The following GRAMD1B variants were observed in gnomAD, a reference collection of about 807,000 sequenced individuals.
GRAMD1B encodes protein Aster-B.
Under a neutral mutation model 99.7 loss-of-function variants are expected in GRAMD1B, and 37 were observed. The observed-to-expected ratio is 0.37, with a 90% confidence interval of 0.29 to 0.49. GRAMD1B has a LOEUF of 0.49. GRAMD1B is among the 20% of genes least tolerant of loss of function. The pLI is 0.98. For missense variants in GRAMD1B, 888 were observed against 1,009.2 expected, an observed-to-expected ratio of 0.88 and a Z score of 1.63; for synonymous variants, 427 against 387.6, an observed-to-expected ratio of 1.10 and a Z score of -1.19.
At chr11:123,595,785 G>A (rs1951201112) in intron 6 of GRAMD1B, among the ~76,000 whole-genome samples, 157 bp from the exon 7 acceptor site, 1 of 152,120 alleles carries the variant, frequency 6.6e-6, no homozygotes. Context: ...GTGAAATAAA[G>A]GGGTAAACCA....
Position 123,623,777 on chromosome 11 carries a change from T to C in GRAMD1B, c.*1182T>C, listed in dbSNP as rs984050897. On this transcript the variant is annotated 3_prime_UTR_variant, in exon 20 of 20. Transcript: ENST00000635736. ...GGGAAGGATTTGGCAAAGGTGCATGTGTTTGGGCAGGAAAAGGCCAAGTGA... is the reference window on the plus strand; with the variant it reads ...GGGAAGGATTTGGCAAAGGTGCATGCGTTTGGGCAGGAAAAGGCCAAGTGA... The C allele has an allele frequency of 1.3e-5, 2 of 152,234 alleles. No homozygotes were observed. Among genetic ancestry groups the C allele is most frequent in the African/African-American group, 4.8e-5 (2 of 41,434 alleles). 9.4% of individuals were successfully genotyped at this position (152,234 alleles called of 1,614,324 possible).
chr11:123,543,743 A>C (rs1784356), intron 2 of GRAMD1B, among the ~76,000 whole-genome samples: 3 of 151,984 alleles, frequency 2.0e-5, no homozygotes, highest in Admixed American at 1.3e-4. Flanking sequence ...TTCGCAGAAG[A>C]ATTCGCCATT....
chr11:123,513,578 T>TTCCTTTCCTTCCTTCC (rs1555050112), intron 2 of GRAMD1B, among the ~76,000 whole-genome samples: 2 of 41,672 alleles, frequency 4.8e-5, no homozygotes, highest in African/African-American at 9.3e-5. Flanking sequence ...CCTTCCTTCC[T>TTCCTTTCCTTCCTTCC]TTCCTTCCTT....
chr11:123,548,290 AAATATATATAT>A (rs1446597077), intron 2 of GRAMD1B, among the ~76,000 whole-genome samples: 109 of 58,152 alleles, frequency 1.9e-3, no homozygotes, highest in African/African-American at 8.7e-3. Context: ...GGCTGTGCCA[AAATATATATAT>A]ATATATATAT....
chr11:123,413,835 G>T (rs193095046), intron 1 of GRAMD1B, among the ~76,000 whole-genome samples: 1 of 152,176 alleles, frequency 6.6e-6, no homozygotes, highest in East Asian at 1.9e-4. Context: ...TAGCCCTTGC[G>T]CAAGAATGAC....
At chr11:123,400,037 A>G (rs375660721) in intron 1 of GRAMD1B, among the ~76,000 whole-genome samples, 5 of 152,138 alleles carry the variant, frequency 3.3e-5, no homozygotes, top group African/African-American at 1.2e-4. Context: ...TCTTTGGTTC[A>G]TTTTGTAATT....
intron 1 of GRAMD1B, among the ~76,000 whole-genome samples, chr11:123,377,988 T>C (rs908561600): frequency 6.6e-5 from 10 of 152,210 alleles, no homozygotes; most frequent in Non-Finnish European, 1.5e-4. Context: ...CACTCTGTCC[T>C]TTTTTCCCTG....
rs528414597 is a variant in GRAMD1B, at chr11:123,591,617, C to T, written c.685-2465C>T. ...TGTTATGCCACTTGGCTCTCCTACC[C>T]GAAGGCCCCAGATTTGACAATCTTG... On this transcript the variant is annotated intron_variant, in intron 4 of 19. Coordinates refer to ENST00000635736, the MANE Select transcript of GRAMD1B (RefSeq NM_001387025.1). The surrounding 1 kb of genome is among the most constrained non-coding windows in gnomAD (Gnocchi z 4.7). The T allele has an allele frequency of 2.5e-5, 10 of 397,700 alleles. No homozygotes were observed. The highest frequency in any genetic ancestry group is 7.1e-5 in the East Asian group (2 of 28,046). The allele number at this position is 397,700 out of a possible 1,614,324, so 24.6% of individuals were successfully genotyped here. A position where few individuals can be genotyped will look rare whatever the true frequency, so the allele number is the denominator to read the frequency against.
At chr11:123,560,400 A>T in intron 2 of GRAMD1B, 1 of 1,176,580 alleles carries the variant, frequency 8.5e-7, no homozygotes. Context: ...GAGGGAAATA[A>T]AGGGGAGTCA....
At chr11:123,543,515 C>T (rs1424474382) in intron 2 of GRAMD1B, among the ~76,000 whole-genome samples, 1 of 152,216 alleles carries the variant, frequency 6.6e-6, no homozygotes, top group East Asian at 1.9e-4. Context: ...GCAGCTCCCA[C>T]TGTCACATAA....
intron 1 of GRAMD1B, among the ~76,000 whole-genome samples, chr11:123,434,283 G>A (rs1053508457): frequency 6.8e-6 from 1 of 146,900 alleles, no homozygotes; most frequent in African/African-American, 2.5e-5. Flanking sequence ...AAGAACATAT[G>A]TATCTGAAAA....
chr11:123,576,238 C>T (rs866702185), intron 2 of GRAMD1B, among the ~76,000 whole-genome samples: 1 of 152,220 alleles, frequency 6.6e-6, no homozygotes, highest in Non-Finnish European at 1.5e-5. Context: ...CCCCACTCCC[C>T]GAGGGAAGGC....
chr11:123,416,513 C>A (rs542777363), intron 1 of GRAMD1B, among the ~76,000 whole-genome samples: 8 of 152,274 alleles, frequency 5.3e-5, no homozygotes, highest in Admixed American at 1.3e-4. Flanking sequence ...AATAAATAAA[C>A]CTCTATTTTA....
chr11:123,443,732 G>A (rs540606855), intron 1 of GRAMD1B, among the ~76,000 whole-genome samples: 19 of 152,126 alleles, frequency 1.2e-4, no homozygotes, highest in East Asian at 5.8e-4. Context: ...ACAGGTGTGC[G>A]CCACCACACC....
chr11:123,556,136 A>G (rs1481755773), intron 2 of GRAMD1B, among the ~76,000 whole-genome samples: 3 of 152,196 alleles, frequency 2.0e-5, no homozygotes, highest in Admixed American at 6.5e-5. Flanking sequence ...TCTTCTTTGT[A>G]TCCCACACAC....
At chr11:123,559,773 A>G in intron 2 of GRAMD1B, 1 of 758,870 alleles carries the variant, frequency 1.3e-6, no homozygotes. Flanking sequence ...GAAGTCTGGG[A>G]GCAGCTACAC....
rs1280330254 is a variant in GRAMD1B, at chr11:123,624,137, C to A, written c.*1542C>A. 1 of 152,142 alleles carries A rather than the reference C, an allele frequency of 6.6e-6. No individual in the cohort carries two copies. The highest frequency in any genetic ancestry group is 1.9e-4 in the East Asian group (1 of 5,190). The allele number at this position is 152,142 out of a possible 1,614,324, so 9.4% of individuals were successfully genotyped here. On this transcript the variant is annotated 3_prime_UTR_variant, in exon 20 of 20. Transcript: ENST00000635736. ...TGGAGATTCATGAAAGAGTCATAGC[C>A]AGTTTGGCATGCAGAGGTCTTCAGT...
At chr11:123,569,198 A>T (rs143980136) in intron 2 of GRAMD1B, among the ~76,000 whole-genome samples, 1 of 152,292 alleles carries the variant, frequency 6.6e-6, no homozygotes, top group Admixed American at 6.5e-5. Flanking sequence ...GAACCAGTCA[A>T]ATCTTCTGGG....
chr11:123,383,906 T>C (rs1946971382), intron 1 of GRAMD1B, among the ~76,000 whole-genome samples: 1 of 152,100 alleles, frequency 6.6e-6, no homozygotes, highest in Non-Finnish European at 1.5e-5. Flanking sequence ...AGTCTTGCTC[T>C]GTTGCCCAGG....
Sources: allele counts gnomAD v4.1 joint callset (sites outside exome capture counted in the v4.1 genomes callset), GRCh38; gene constraint gnomAD v4.1.1; non-coding constraint Gnocchi (gnomAD v3.1); transcripts MANE v1.5; gene names NCBI Gene and HGNC (gene_info 2026-07-23, HGNC 2026-07-21).